Variants in RPGRIP1L observed in about 807,000 individuals in gnomAD.
The protein encoded by RPGRIP1L is RPGRIP1 like.
RPGRIP1L carries 131 observed loss-of-function variants against 160.4 expected under a neutral mutation model. The ratio of observed to expected loss-of-function variants is 0.82; its 90% CI spans 0.71 to 0.94. The LOEUF is 0.94. Ranked by LOEUF, RPGRIP1L falls within the 40% of genes least tolerant of loss-of-function variation. The pLI is 0.00. For synonymous variants in RPGRIP1L, 510 were observed against 515.8 expected (o/e 0.99, Z 0.15); for missense variants, 1,522 against 1,535.8 (o/e 0.99, Z 0.15).
rs140498865 is a variant in RPGRIP1L, at chr16:53,648,796, CTT to C, written c.2304+166_2304+167del. 0.049 allele frequency among the ~76,000 whole-genome samples: 7,419 copies of C among 152,118 alleles called. 278 individuals carry two copies. Among genetic ancestry groups the C allele is most frequent in the Non-Finnish European group, 0.075 (5,066 of 67,986 alleles). On this transcript the variant is annotated intron_variant, in intron 16 of 26. Coordinates refer to ENST00000647211, the MANE Select transcript of RPGRIP1L (RefSeq NM_015272.5). ...ATTGGGTTAAGGTTACAGGGGATCT[CTT>C]TGTACTATTTTTACCACTTCCTGTG...
intron 25 of RPGRIP1L, among the ~76,000 whole-genome samples, chr16:53,609,918 G>A (rs1018213220): frequency 6.6e-6 from 1 of 152,150 alleles, no homozygotes; most frequent in Non-Finnish European, 1.5e-5. Flanking sequence ...TAAAATGCTA[G>A]TTTGGAAGCT....
chr16:53,611,739 A>T (rs769572588), intron 24 of RPGRIP1L, among the ~76,000 whole-genome samples: 4 of 152,256 alleles, frequency 2.6e-5, no homozygotes, highest in Non-Finnish European at 5.9e-5. Context: ...CATTGTAAGT[A>T]AGCATCTGCA....
chr16:53,690,974 C>T (rs757347376), intron 4 of RPGRIP1L, among the ~76,000 whole-genome samples: 6 of 152,186 alleles, frequency 3.9e-5, no homozygotes, highest in Non-Finnish European at 7.3e-5. Flanking sequence ...TTTCATCCTG[C>T]AGCTGCCTCC....
intron 16 of RPGRIP1L, among the ~76,000 whole-genome samples, chr16:53,648,624 G>GCACACACACACACACA (rs1285147301): frequency 1.7e-4 from 18 of 106,720 alleles, no homozygotes; most frequent in African/African-American, 3.9e-4. Flanking sequence ...GCGCGCGCGC[G>GCACACACACACACACA]CGCACACACA....
At chr16:53,602,559 T>C (rs1458652954) in intron 26 of RPGRIP1L, among the ~76,000 whole-genome samples, 1 of 152,060 alleles carries the variant, frequency 6.6e-6, no homozygotes, top group Non-Finnish European at 1.5e-5. Context: ...GGTGATCACC[T>C]GAGGTTGAGA....
chr16:53,641,119 A>G lies in RPGRIP1L; in HGVS notation c.2875-3T>C, dbSNP rs1249388713. On this transcript the variant is annotated splice_region_variant and splice_polypyrimidine_tract_variant and intron_variant, in intron 18 of 26. Coordinates refer to ENST00000647211, the MANE Select transcript of RPGRIP1L (RefSeq NM_015272.5). ...TGTCTTGGTTTAGGTCTTGGTGCCT[A>G]AGACAAACCAACCAATGTGTCAGAC... 5 of 1,611,254 alleles carry G rather than the reference A, an allele frequency of 3.1e-6. No homozygotes were observed. Among genetic ancestry groups the G allele is most frequent in the East Asian group, 4.5e-5 (2 of 44,846 alleles).
At chr16:53,643,906 C>A (rs1177062990) in intron 17 of RPGRIP1L, among the ~76,000 whole-genome samples, 1 of 152,092 alleles carries the variant, frequency 6.6e-6, no homozygotes, top group East Asian at 1.9e-4. Flanking sequence ...TAAGGATGAC[C>A]ACATGTTAGA....
intron 3 of RPGRIP1L, among the ~76,000 whole-genome samples, chr16:53,692,754 T>C (rs1300136763): frequency 1.3e-5 from 2 of 152,236 alleles, no homozygotes; most frequent in African/African-American, 2.4e-5. Flanking sequence ...TTAAAACTTT[T>C]GAAAAGTGTG....
chr16:53,616,926 G>A (rs1964409285), intron 24 of RPGRIP1L, among the ~76,000 whole-genome samples: 1 of 151,550 alleles, frequency 6.6e-6, no homozygotes, highest in Non-Finnish European at 1.5e-5. Flanking sequence ...ACAAAAATTA[G>A]CTGGGTGTGG....
In RPGRIP1L at chr16:53,703,668, A is replaced by G; in HGVS notation, c.-8+135T>C. On this transcript the variant is annotated intron_variant, in intron 1 of 26. Transcript: ENST00000647211. The stretch of plus-strand genomic sequence containing the variant: ...TCTTGGGCTGGGCTGCTTTCACGCC[A>G]GCAGAACTCCAGGGCCAACTCCAGG... 1.8e-5 allele frequency: 4 copies of G among 218,216 alleles called. No individual in the cohort carries two copies. In the South Asian group the frequency reaches 2.8e-4, roughly 15 times the overall value. The allele number at this position is 218,216 out of a possible 1,614,324, so 13.5% of individuals were successfully genotyped here.
intron 22 of RPGRIP1L, among the ~76,000 whole-genome samples, chr16:53,623,134 T>C (rs1964848377): frequency 2.0e-5 from 3 of 152,216 alleles, no homozygotes. Flanking sequence ...TTCCATTTTT[T>C]ATCTCTAGAG....
At chr16:53,690,199 CTTAT>C (rs1335731654) in intron 4 of RPGRIP1L, among the ~76,000 whole-genome samples, 5 of 152,136 alleles carry the variant, frequency 3.3e-5, no homozygotes, top group Admixed American at 2.0e-4. Context: ...GCATTATAGA[CTTAT>C]TTATTTATTT....
chr16:53,648,104 A>AG (rs1966687381), intron 16 of RPGRIP1L, among the ~76,000 whole-genome samples: 1 of 113,256 alleles, frequency 8.8e-6, no homozygotes, highest in Non-Finnish European at 1.9e-5. Context: ...ACTCCGTCTC[A>AG]AAAAAAAAAA....
chr16:53,623,166 G>T (rs184855156), intron 22 of RPGRIP1L, among the ~76,000 whole-genome samples: 1 of 152,072 alleles, frequency 6.6e-6, no homozygotes, highest in Admixed American at 6.5e-5. Context: ...TTCTCATGGG[G>T]GTAACTAATA....
chr16:53,614,760 A>G (rs1964251164), intron 24 of RPGRIP1L, among the ~76,000 whole-genome samples: 1 of 152,358 alleles, frequency 6.6e-6, no homozygotes, highest in Non-Finnish European at 1.5e-5. Context: ...CCAAAAGTTA[A>G]GGTATTTACC....
At chr16:53,661,796 G>A (rs891103343) in intron 10 of RPGRIP1L, among the ~76,000 whole-genome samples, 5 of 152,010 alleles carry the variant, frequency 3.3e-5, no homozygotes, top group African/African-American at 1.2e-4. Flanking sequence ...TTTCAACAAC[G>A]ATATCTCCAT....
At chr16:53,614,560 C>G (rs887089564) in intron 24 of RPGRIP1L, among the ~76,000 whole-genome samples, 1 of 152,148 alleles carries the variant, frequency 6.6e-6, no homozygotes, top group Admixed American at 6.5e-5. Flanking sequence ...CTAGTGAACA[C>G]TTTTGGGTTG....
intron 7 of RPGRIP1L, 103 bp from the exon 8 acceptor site, chr16:53,673,119 C>A: frequency 8.7e-7 from 1 of 1,146,212 alleles, no homozygotes; most frequent in Non-Finnish European, 1.3e-6. Context: ...AATGAATTTA[C>A]TCCCGAAGTT....
chr16:53,611,139 T>C, intron 24 of RPGRIP1L, 88 bp from the exon 25 acceptor site: 1 of 939,958 alleles, frequency 1.1e-6, no homozygotes, highest in Non-Finnish European at 1.7e-6. Context: ...AAAATACCTG[T>C]TTTTAAAGAC....
Sources: gnomAD v4.1 joint callset for allele counts (sites outside exome capture counted in the v4.1 genomes callset) on GRCh38, gnomAD v4.1.1 for gene constraint, MANE v1.5 for transcripts, NCBI Gene and HGNC (gene_info 2026-07-23, HGNC 2026-07-21) for gene names.